The following KDM4C variants were observed in gnomAD, a reference collection of about 807,000 sequenced individuals.
The protein encoded by KDM4C is lysine-specific demethylase 4C.
In KDM4C, 81 loss-of-function variants were observed where a neutral mutation model predicts 129.3. The observed-to-expected ratio is 0.63, with a 90% CI of 0.52 to 0.75. The LOEUF (loss-of-function observed/expected upper bound fraction) is 0.75. Ranked by LOEUF, KDM4C falls within the 30% of genes least tolerant of loss-of-function variation. The pLI is 0.00. For missense variants in KDM4C, 1,457 were observed against 1,304.0 expected (o/e 1.12, Z -1.81); for synonymous variants, 573 against 456.1 (o/e 1.26, Z -3.26).
upstream of KDM4C, among the ~76,000 whole-genome samples, chr9:6,754,903 A>AT (rs1194931166): frequency 6.8e-6 from 1 of 147,718 alleles, no homozygotes; most frequent in Non-Finnish European, 1.5e-5. Flanking sequence ...AAAAAAAAAA[A>AT]GCAGCATATA....
At chr9:7,164,593 C>T (rs1274109374) in intron 19 of KDM4C, among the ~76,000 whole-genome samples, 1 of 152,190 alleles carries the variant, frequency 6.6e-6, no homozygotes, top group African/African-American at 2.4e-5. Flanking sequence ...GACACACCCA[C>T]CCAGCTCCAC....
rs1330224710 is a variant in KDM4C, at chr9:7,165,345, C to T, written c.2889C>T (p.Ala963=). The T allele has an allele frequency of 6.2e-7, 1 of 1,613,884 alleles. No individual in the cohort carries two copies. The stretch of plus-strand genomic sequence containing the variant: ...CAAAATATTTTGGATCAAATATTGC[C>T]CACATGTACCAGGTGGGTTCTTCCT... ...YGAKYFGSNI[A]HMYQVEFEDG... is the part of the protein sequence containing the mutation. The change falls in exon 20 of 22, where the codon GCC becomes GCT. Residue 963 remains alanine (A), a synonymous_variant. Coordinates refer to ENST00000381309, the MANE Select transcript of KDM4C (RefSeq NM_015061.6).
intron 1 of KDM4C, among the ~76,000 whole-genome samples, chr9:6,772,853 G>A (rs1483548548): frequency 7.3e-6 from 1 of 137,390 alleles, no homozygotes; most frequent in Non-Finnish European, 1.6e-5. Context: ...CCACCCCCAT[G>A]CCTGGCCAAT....
At chr9:6,799,012 C>A (rs1828365264) in intron 2 of KDM4C, among the ~76,000 whole-genome samples, 1 of 143,792 alleles carries the variant, frequency 7.0e-6, no homozygotes, top group African/African-American at 2.9e-5. Flanking sequence ...GGGATGGCGG[C>A]CGGGAAGAGG....
chr9:6,921,969 T>C (rs1467387146), intron 8 of KDM4C, among the ~76,000 whole-genome samples: 2 of 152,220 alleles, frequency 1.3e-5, no homozygotes, highest in Non-Finnish European at 2.9e-5. Context: ...AAATGTCATC[T>C]TCTCACTGAT....
chr9:6,869,188 T>TA (rs1206215589), intron 5 of KDM4C, among the ~76,000 whole-genome samples: 1 of 152,246 alleles, frequency 6.6e-6, no homozygotes, highest in African/African-American at 2.4e-5. Context: ...CTTCCACAGT[T>TA]ATGACTGCCT....
rs764902725 is a variant in KDM4C, at chr9:7,103,706, C to T, written c.2446C>T (p.Arg816Trp). The part of the protein sequence containing the change: ...LKLKCIFCRH[R>W]VKRVSGACIQ... Reference sequence around the variant, plus strand: ...CCAGAAATGCATCTTCTGCAGACACCGGGTTAAGAGGGTCTCTGGAGCCTG... The same window carrying T: ...CCAGAAATGCATCTTCTGCAGACACTGGGTTAAGAGGGTCTCTGGAGCCTG... Residue 816 changes from arginine to tryptophan, a missense_variant, in exon 18 of 22, where the codon CGG becomes TGG. Physicochemically the swap from Arg to Trp is moderately radical, Grantham distance 101. Transcript: ENST00000381309. The T allele has an allele frequency of 1.3e-5, 21 of 1,613,504 alleles. No homozygotes were observed. Among genetic ancestry groups the T allele is most frequent in the Middle Eastern group, 1.6e-4 (1 of 6,078 alleles).
At chr9:6,826,399 G>C (rs1421506474) in intron 4 of KDM4C, among the ~76,000 whole-genome samples, 1 of 152,004 alleles carries the variant, frequency 6.6e-6, no homozygotes, top group Non-Finnish European at 1.5e-5. Flanking sequence ...AGAGAAAACA[G>C]CTGTCAAAAC....
chr9:7,128,183 G>T lies in KDM4C; in HGVS notation c.2728G>T (p.Val910Phe). ...TGTGACATCGCAGACCTTCTATGAG[G>T]TCATGTTTGATGATGGCTCCTTTAG... Reference protein sequence around the residue: ...MAVTSQTFYEVMFDDGSFSRD... With the variant: ...MAVTSQTFYEFMFDDGSFSRD... The change falls in exon 19 of 22, where the codon GTC (valine) becomes TTC (phenylalanine). Residue 910 changes from valine (V) to phenylalanine (F), a missense_variant. Coordinates refer to ENST00000381309, the MANE Select transcript of KDM4C (RefSeq NM_015061.6). 1 of 1,610,656 alleles carries T rather than the reference G, an allele frequency of 6.2e-7. No homozygotes were observed. Among genetic ancestry groups the T allele is most frequent in the Non-Finnish European group, 8.5e-7 (1 of 1,178,578 alleles).
intron 8 of KDM4C, among the ~76,000 whole-genome samples, chr9:6,954,325 T>C (rs932977096): frequency 2.0e-5 from 3 of 152,228 alleles, no homozygotes; most frequent in African/African-American, 7.2e-5. Context: ...TTTGTTTTTA[T>C]GTTCCTGGAA....
chr9:7,013,673 G>A (rs1313131715), intron 13 of KDM4C, 115 bp from the exon 14 acceptor site: 4 of 960,832 alleles, frequency 4.2e-6, no homozygotes, highest in African/African-American at 3.3e-5. Flanking sequence ...GAGAACAACA[G>A]GAAGAACAAA....
chr9:6,956,096 CTGAGGAGGG>C (rs1255992724), intron 8 of KDM4C, among the ~76,000 whole-genome samples: 2 of 151,712 alleles, frequency 1.3e-5, no homozygotes, highest in Non-Finnish European at 2.9e-5. Context: ...TTACCAGAGG[CTGAGGAGGG>C]TAGTTGGGGG....
intron 17 of KDM4C, among the ~76,000 whole-genome samples, chr9:7,090,345 A>G (rs1564103879): frequency 6.6e-6 from 1 of 152,198 alleles, no homozygotes; most frequent in African/African-American, 2.4e-5. Context: ...AGAAAAAAAT[A>G]AAATATTTAT....
At chr9:6,992,223 C>T (rs995226925) in intron 12 of KDM4C, among the ~76,000 whole-genome samples, 1 of 152,178 alleles carries the variant, frequency 6.6e-6, no homozygotes, top group African/African-American at 2.4e-5. Context: ...ATAGAGAAAG[C>T]TGCTTTCTCC....
intron 21 of KDM4C, chr9:7,170,166 T>G: frequency 7.7e-7 from 1 of 1,297,882 alleles, no homozygotes. Flanking sequence ...TTACTGAATG[T>G]GTGCTCTGTG....
rs1203202146 is a variant in KDM4C at position 7,165,279 on chromosome 9, A to G, written c.2823A>G (p.Glu941=). The change falls in exon 20 of 22, where the codon GAA becomes GAG. Residue 941 remains glutamate (E), a synonymous_variant. Transcript: ENST00000381309. ...CLKLGPPAEG[E]VVQVKWPDGK... ...AGCTGGGCCCACCTGCTGAGGGAGA[A>G]GTCGTCCAAGTCAAGTGGCCCGATG... 7 of 1,614,208 alleles carry G rather than the reference A, an allele frequency of 4.3e-6. No homozygotes were observed. The highest frequency in any genetic ancestry group is 5.9e-6 in the Non-Finnish European group (7 of 1,180,014).
chr9:7,068,840 G>T (rs1388301626), intron 17 of KDM4C, among the ~76,000 whole-genome samples: 1 of 151,822 alleles, frequency 6.6e-6, no homozygotes, highest in Non-Finnish European at 1.5e-5. Context: ...GGGATTACAG[G>T]TGTGCACCAC....
Position 6,792,961 on chromosome 9 carries a change from C to T in KDM4C, c.-17-11C>T. ...AATTCAGTTCTGTTGACCCTACTGT[C>T]TTCTCTCCAGACACTGCCCTAACCA... On this transcript the variant is annotated splice_polypyrimidine_tract_variant and intron_variant, in intron 1 of 21. Coordinates refer to ENST00000381309, the MANE Select transcript of KDM4C (RefSeq NM_015061.6). 1 of 1,613,604 alleles carries T rather than the reference C, an allele frequency of 6.2e-7. No individual in the cohort carries two copies. Among genetic ancestry groups the T allele is most frequent in the Non-Finnish European group, 8.5e-7 (1 of 1,179,776 alleles).
At chr9:6,795,354 G>A (rs1027237638) in intron 2 of KDM4C, among the ~76,000 whole-genome samples, 8 of 152,058 alleles carry the variant, frequency 5.3e-5, no homozygotes, top group Non-Finnish European at 1.0e-4. Context: ...TTTTTGAGAC[G>A]GGAGTCTCGC....
Sources: gnomAD v4.1 joint callset for allele counts (sites outside exome capture counted in the v4.1 genomes callset) on GRCh38, gnomAD v4.1.1 for gene constraint, MANE v1.5 for transcripts, NCBI Gene and HGNC (gene_info 2026-07-23, HGNC 2026-07-21) for gene names.